ZBTB16: variants seen among roughly 807,000 people sequenced by gnomAD.
The protein encoded by ZBTB16 is zinc finger and BTB domain containing 16, also known as zinc finger and BTB domain-containing protein 16.
A neutral mutation model predicts 56.8 loss-of-function variants in ZBTB16; 8 were observed. That is an observed-to-expected ratio of 0.14 (90% CI 0.08 to 0.25). The LOEUF (loss-of-function observed/expected upper bound fraction) is 0.25. Among genes scored for constraint, ZBTB16 ranks in the 10% least tolerant of loss-of-function variants. The pLI, the probability that ZBTB16 is intolerant of heterozygous loss-of-function variation, is 1.00. For synonymous variants in ZBTB16, 363 were observed against 368.5 expected, an observed-to-expected ratio of 0.98 and a Z score of 0.17; for missense variants, 625 against 903.0, an observed-to-expected ratio of 0.69 and a Z score of 3.95.
intron 5 of ZBTB16, among the ~76,000 whole-genome samples, chr11:114,244,856 C>A (rs967995427): frequency 9.2e-5 from 14 of 152,196 alleles, no homozygotes; most frequent in South Asian, 2.1e-4. Context: ...CCTTCCCCCC[C>A]ACCGCCGCCT....
chr11:114,226,563 G>A (rs1252739088), intron 4 of ZBTB16, among the ~76,000 whole-genome samples: 2 of 152,200 alleles, frequency 1.3e-5, no homozygotes, highest in Non-Finnish European at 2.9e-5. Flanking sequence ...AAACCACGAA[G>A]TGACATTCTA....
chr11:114,093,001 ACAC>A (rs1037974032), intron 2 of ZBTB16, among the ~76,000 whole-genome samples: 2 of 152,126 alleles, frequency 1.3e-5, no homozygotes, highest in Admixed American at 1.3e-4. Context: ...CACACACACC[ACAC>A]CACACCCCAA....
At position 114,066,484 on chromosome 11, in the gene ZBTB16, C is replaced by T. The variant is rs117520596; in HGVS notation, c.1268+1916C>T. On this transcript the variant is annotated intron_variant, in intron 2 of 6. Transcript: ENST00000335953. ...TCATCTTTCCGGATGTGAATTATTT[C>T]GGCTGTGTGCTATGAGAACTGGGTA... Among the ~76,000 whole-genome samples, 1,336 of 152,240 alleles carry T rather than the reference C, an allele frequency of 8.8e-3. 4 individuals are homozygous for T. Among genetic ancestry groups the T allele is most frequent in the Middle Eastern group, 0.017 (5 of 294 alleles).
intron 6 of ZBTB16, among the ~76,000 whole-genome samples, chr11:114,249,834 A>G (rs977189625): frequency 2.7e-5 from 4 of 149,934 alleles, no homozygotes; most frequent in Admixed American, 1.3e-4. Context: ...GCATATTTGA[A>G]GGACTGGGTT....
chr11:114,221,981 T>C (rs1421418618), intron 4 of ZBTB16, among the ~76,000 whole-genome samples: 2 of 152,122 alleles, frequency 1.3e-5, no homozygotes, highest in African/African-American at 4.8e-5. Context: ...AGAGTGTCCA[T>C]GATCATGCAG....
At chr11:114,075,648 T>TATATATA (rs1939532573) in intron 2 of ZBTB16, among the ~76,000 whole-genome samples, 1 of 147,608 alleles carries the variant, frequency 6.8e-6, no homozygotes, top group African/African-American at 2.5e-5. Context: ...TATATATATA[T>TATATATA]TTAGTAGAGA....
rs11605763 is a variant in ZBTB16, at chr11:114,119,239, C to T, written c.1269-37098C>T. Among the ~76,000 whole-genome samples the T allele has an allele frequency of 2.7e-4, 35 of 131,218 alleles. 1 individual carries two copies. Among genetic ancestry groups the T allele is most frequent in the East Asian group, 8.7e-4 (4 of 4,598 alleles). The allele number at this position is 131,218 out of a possible 152,430, so 86.1% of individuals were successfully genotyped here. A position where few individuals can be genotyped will look rare whatever the true frequency, so the allele number is the denominator to read the frequency against. On this transcript the variant is annotated intron_variant, in intron 2 of 6. Coordinates refer to ENST00000335953, the MANE Select transcript of ZBTB16 (RefSeq NM_006006.6). ...GAAACCACACCACTCCGCTCCAGCCCGGGTGAGAGAGTGAAACTCTGTCTC... is the reference window on the plus strand; with the variant it reads ...GAAACCACACCACTCCGCTCCAGCCTGGGTGAGAGAGTGAAACTCTGTCTC...
chr11:114,244,545 G>C (rs1944777404), intron 5 of ZBTB16, among the ~76,000 whole-genome samples: 1 of 152,164 alleles, frequency 6.6e-6, no homozygotes, highest in Non-Finnish European at 1.5e-5. Context: ...GACACAATCA[G>C]CTCTCAGGGT....
At chr11:114,088,470 C>T (rs1940048789) in intron 2 of ZBTB16, among the ~76,000 whole-genome samples, 1 of 152,112 alleles carries the variant, frequency 6.6e-6, no homozygotes, top group East Asian at 1.9e-4. Context: ...TATTTCTGTT[C>T]ATTTCTTCCC....
At chr11:114,076,503 G>A (rs1435967023) in intron 2 of ZBTB16, among the ~76,000 whole-genome samples, 13 of 152,138 alleles carry the variant, frequency 8.5e-5, no homozygotes, top group Admixed American at 6.5e-4. Context: ...CTTCGAAGGC[G>A]TTTGTAGAGT....
chr11:114,116,710 T>C (rs1207882569), intron 2 of ZBTB16, among the ~76,000 whole-genome samples: 2 of 152,158 alleles, frequency 1.3e-5, no homozygotes, highest in African/African-American at 4.8e-5. Flanking sequence ...AGTACACACA[T>C]GGCTGTAATG....
intron 5 of ZBTB16, 148 bp from the exon 6 acceptor site, chr11:114,247,050 T>C (rs1357674130): frequency 5.5e-6 from 5 of 917,080 alleles, no homozygotes; most frequent in Admixed American, 2.0e-5. Flanking sequence ...GTTTATTCAA[T>C]GGAGGTGTGG....
intron 2 of ZBTB16, among the ~76,000 whole-genome samples, chr11:114,146,861 A>C (rs1565650697): frequency 6.6e-6 from 1 of 152,052 alleles, no homozygotes; most frequent in Non-Finnish European, 1.5e-5. Context: ...AAAAAAAAAA[A>C]AAAAACCAAA....
Position 114,254,439 on chromosome 11 carries a change from G to T in ZBTB16, c.*3884G>T, listed in dbSNP as rs1302268670. ...CTGCTGCAATTTTTCACAAGTGTAT[G>T]GTACCTTTCTGGATGCTATTGGTAC... On this transcript the variant is annotated 3_prime_UTR_variant, in exon 7 of 7. Coordinates refer to ENST00000335953, the MANE Select transcript of ZBTB16 (RefSeq NM_006006.6). Among the ~76,000 whole-genome samples, 1 of 152,148 alleles carries T rather than the reference G, an allele frequency of 6.6e-6. No homozygotes were observed. The highest frequency in any genetic ancestry group is 6.5e-5 in the Admixed American group (1 of 15,274).
intron 5 of ZBTB16, among the ~76,000 whole-genome samples, chr11:114,242,579 G>C (rs1016311973): frequency 3.3e-5 from 5 of 152,172 alleles, no homozygotes; most frequent in African/African-American, 1.2e-4. Context: ...AAAAAGGCAG[G>C]CTCTTGGGTC....
chr11:114,211,941 A>T (rs927722915), intron 4 of ZBTB16, among the ~76,000 whole-genome samples: 4 of 152,036 alleles, frequency 2.6e-5, no homozygotes, highest in Non-Finnish European at 4.4e-5. Context: ...TCTCTCATAA[A>T]CCCCAACGCT....
rs117957736 is a variant in ZBTB16 at position 114,080,156 on chromosome 11, C to G, written c.1268+15588C>G. Among the ~76,000 whole-genome samples, 248 of 152,262 alleles carry G rather than the reference C, an allele frequency of 1.6e-3. 3 individuals carry two copies. In the East Asian group the frequency reaches 0.041, roughly 25 times the overall value. Reference sequence around the variant, plus strand: ...CTGAGTTTGAATTCTGACTCTGCCTCTTTGGAAGGCTCTGGAAGGTTAAAG... The same window carrying G: ...CTGAGTTTGAATTCTGACTCTGCCTGTTTGGAAGGCTCTGGAAGGTTAAAG... On this transcript the variant is annotated intron_variant, in intron 2 of 6. Transcript: ENST00000335953.
intron 3 of ZBTB16, among the ~76,000 whole-genome samples, chr11:114,161,095 C>T (rs913335605): frequency 6.6e-6 from 1 of 152,118 alleles, no homozygotes; most frequent in Non-Finnish European, 1.5e-5. Flanking sequence ...TGTCGTAACA[C>T]GAGAAGTGAT....
At chr11:114,236,240 C>T (rs1944587442) in intron 4 of ZBTB16, among the ~76,000 whole-genome samples, 1 of 152,098 alleles carries the variant, frequency 6.6e-6, no homozygotes, top group South Asian at 2.1e-4. Context: ...AAACATTTGT[C>T]AGTTGCATCA....
Sources: gnomAD v4.1 joint callset for allele counts (sites outside exome capture counted in the v4.1 genomes callset) on GRCh38, gnomAD v4.1.1 for gene constraint, MANE v1.5 for transcripts, NCBI Gene and HGNC (gene_info 2026-07-23, HGNC 2026-07-21) for gene names.